HDAC4: variants seen among roughly 807,000 people sequenced by gnomAD.
HDAC4 encodes the protein histone deacetylase 4.
HDAC4 carries 16 observed loss-of-function variants against 135.1 expected under a neutral mutation model. The observed-to-expected ratio is 0.12, with a 90% CI of 0.08 to 0.18. HDAC4 has a LOEUF of 0.18. Among genes scored for constraint, HDAC4 ranks in the 10% least tolerant of loss-of-function variants. The pLI, the probability that HDAC4 is intolerant of heterozygous loss-of-function variation, is 1.00. For missense variants in HDAC4, 1,143 were observed against 1,511.8 expected (o/e 0.76, Z 4.05); for synonymous variants, 685 against 653.4 (o/e 1.05, Z -0.74).
chr2:239,059,140 G>A (rs2106473199), intron 24 of HDAC4, among the ~76,000 whole-genome samples: 1 of 152,284 alleles, frequency 6.6e-6, no homozygotes. Flanking sequence ...GAAATGCTGA[G>A]AATTAAAAAG....
intron 3 of HDAC4, among the ~76,000 whole-genome samples, chr2:239,195,209 C>T (rs1267166859): frequency 6.6e-6 from 1 of 152,200 alleles, no homozygotes; most frequent in Non-Finnish European, 1.5e-5. Context: ...CTTGGTTTAC[C>T]GGACTGCCAC....
At chr2:239,330,524 C>A (rs1430718685) in intron 2 of HDAC4, among the ~76,000 whole-genome samples, 1 of 152,260 alleles carries the variant, frequency 6.6e-6, no homozygotes, top group Non-Finnish European at 1.5e-5. Flanking sequence ...AAGCTCTTCT[C>A]CACCAACACT....
intron 4 of HDAC4, among the ~76,000 whole-genome samples, chr2:239,180,755 C>T (rs2044098406): frequency 6.6e-6 from 1 of 152,200 alleles, no homozygotes; most frequent in South Asian, 2.1e-4. Context: ...GTGTGCTGGG[C>T]CGCTGCCCCC....
intron 9 of HDAC4, among the ~76,000 whole-genome samples, chr2:239,136,253 A>G (rs1338634669): frequency 6.6e-6 from 1 of 152,222 alleles, no homozygotes; most frequent in African/African-American, 2.4e-5. Context: ...CCATGACAGC[A>G]ACGTTTTTAG....
intron 2 of HDAC4, among the ~76,000 whole-genome samples, chr2:239,314,463 G>A (rs902028371): frequency 2.0e-5 from 3 of 152,170 alleles, no homozygotes; most frequent in Non-Finnish European, 2.9e-5. Context: ...TGCCAAAAAG[G>A]GGGATTAGAA....
At chr2:239,249,850 T>C (rs778050426) in intron 2 of HDAC4, among the ~76,000 whole-genome samples, 1 of 151,922 alleles carries the variant, frequency 6.6e-6, no homozygotes. Flanking sequence ...CAGGAAAGAA[T>C]GTGCACAAAA....
chr2:239,376,197 C>A (rs1694991801), intron 1 of HDAC4, among the ~76,000 whole-genome samples: 1 of 150,262 alleles, frequency 6.7e-6, no homozygotes, highest in Admixed American at 6.6e-5. Flanking sequence ...CAACCCTCCA[C>A]CATCCAAACA....
chr2:239,116,916 G>T (rs1157902420), intron 12 of HDAC4, among the ~76,000 whole-genome samples: 1 of 152,174 alleles, frequency 6.6e-6, no homozygotes, highest in Non-Finnish European at 1.5e-5. Flanking sequence ...ATAGGGCAAT[G>T]TGCCCTCCTC....
intron 21 of HDAC4, 138 bp from the exon 22 acceptor site, chr2:239,081,330 G>C (rs2035301208): frequency 4.1e-6 from 3 of 727,694 alleles, no homozygotes; most frequent in Non-Finnish European, 7.3e-6. Context: ...CTGATCTCCT[G>C]GTGCATATTC....
rs1174965578 is a variant in HDAC4, at chr2:239,134,290, T to C, written c.1249A>G (p.Met417Val). 29 of 1,613,246 alleles carry C rather than the reference T, an allele frequency of 1.8e-5. No individual in the cohort carries two copies. Among genetic ancestry groups the C allele is most frequent in the Non-Finnish European group, 2.0e-5 (24 of 1,180,000 alleles). Residue 417 changes from methionine (M) to valine (V), a missense_variant, in exon 11 of 27, where the codon ATG becomes GTG. Physicochemically the swap from Met to Val is conservative, Grantham distance 21. This residue lies in a region of HDAC4 where 272 missense variants were observed against 309.7 expected (regional missense o/e 0.88). Coordinates refer to ENST00000543185, the MANE Select transcript of HDAC4 (RefSeq NM_001378414.1). ...GAAHSPLLQH[M>V]VLLEQPPAQA... The stretch of plus-strand genomic sequence containing the variant: ...GCCGGCGGCTGCTCCAGTAAGACCA[T>C]GTGCTGCAGAAGAGGGCTGTGCGCT...
chr2:239,338,605 C>A (rs962210426), intron 2 of HDAC4, among the ~76,000 whole-genome samples: 3 of 152,218 alleles, frequency 2.0e-5, no homozygotes, highest in African/African-American at 7.2e-5. Flanking sequence ...ATAGCCACTA[C>A]ATAAAATAGG....
intron 3 of HDAC4, among the ~76,000 whole-genome samples, chr2:239,207,791 C>T (rs1278067384): frequency 6.6e-6 from 1 of 152,168 alleles, no homozygotes; most frequent in African/African-American, 2.4e-5. Context: ...ATGGATCATG[C>T]AACTTTAAAC....
At position 239,068,856 on chromosome 2, in the gene HDAC4, T is replaced by C; in HGVS notation, c.2751-249A>G. 3.8e-6 allele frequency: 2 copies of C among 521,034 alleles called. No individual in the cohort carries two copies. The allele number at this position is 521,034 out of a possible 1,614,324, so 32.3% of individuals were successfully genotyped here. The stretch of plus-strand genomic sequence containing the variant: ...AGCCAGCAAGCCCCACGACACTTGC[T>C]TGGTGAGAGGGAGTCACGGTGCAAG... On this transcript the variant is annotated intron_variant, in intron 22 of 26. Transcript: ENST00000543185. This position sits in a 1 kb window ranked among gnomAD's most constrained non-coding sequence, Gnocchi z 4.4.
rs6543510 is a variant in HDAC4, at chr2:239,102,958, G to C, written c.2113-62C>G. ...CAGAAGCTGCTGCTTCAGCTCCACA[G>C]ACAGAAACTCCAACTGAAACCATTG... On this transcript the variant is annotated intron_variant, in intron 15 of 26. Transcript: ENST00000543185. 3.7e-6 allele frequency: 6 copies of C among 1,606,498 alleles called. No homozygotes were observed. The African/African-American group carries it at 8.0e-5, about 21-fold the overall frequency.
At chr2:239,190,128 C>A (rs1212722617) in intron 3 of HDAC4, 51 bp from the exon 4 acceptor site, 5 of 1,552,726 alleles carry the variant, frequency 3.2e-6, no homozygotes, top group Admixed American at 1.8e-5. Flanking sequence ...TTTGCTGTCC[C>A]TGGGCCCCAG....
chr2:239,281,423 A>G (rs2050739738), intron 2 of HDAC4, among the ~76,000 whole-genome samples: 1 of 148,196 alleles, frequency 6.7e-6, no homozygotes, highest in African/African-American at 2.5e-5. Flanking sequence ...TCTACACACA[A>G]TGTATACACC....
chr2:239,168,509 G>GTAA (rs1438879063), intron 5 of HDAC4, among the ~76,000 whole-genome samples: 7 of 152,334 alleles, frequency 4.6e-5, no homozygotes, highest in Admixed American at 3.9e-4. Flanking sequence ...TAAAAGTAAT[G>GTAA]TAAATGTTTA....
At position 239,093,949 on chromosome 2, in the gene HDAC4, C is replaced by A. The variant is rs574975859; in HGVS notation, c.2280+1061G>T. ...GGCTTGGTGGTGGTATGAATAAATG[C>A]CGTTTATTCTCTTTCTGACGGGATA... On this transcript the variant is annotated intron_variant, in intron 17 of 26. Coordinates refer to ENST00000543185, the MANE Select transcript of HDAC4 (RefSeq NM_001378414.1). 4.1e-6 allele frequency: 4 copies of A among 984,948 alleles called. No individual in the cohort carries two copies. The East Asian group carries it at 3.4e-4, about 84-fold the overall frequency. 61.0% of individuals were successfully genotyped at this position (984,948 alleles called of 1,614,324 possible). A position where few individuals can be genotyped will look rare whatever the true frequency, so the allele number is the denominator to read the frequency against.
chr2:239,305,895 G>C (rs990402292), intron 2 of HDAC4, among the ~76,000 whole-genome samples: 1 of 152,172 alleles, frequency 6.6e-6, no homozygotes, highest in Non-Finnish European at 1.5e-5. Context: ...GCCCACACGG[G>C]CCCTGAATCT....
Sources: gnomAD v4.1 joint callset for allele counts (sites outside exome capture counted in the v4.1 genomes callset) on GRCh38, gnomAD v4.1.1 for gene constraint, gnomAD v4.1.1 regional missense constraint, Gnocchi (gnomAD v3.1) non-coding constraint, MANE v1.5 for transcripts, NCBI Gene and HGNC (gene_info 2026-07-23, HGNC 2026-07-21) for gene names.